The following GATB variants were observed in gnomAD, a reference collection of about 807,000 sequenced individuals.
GATB encodes glutamyl-tRNA amidotransferase subunit B.
Under a neutral mutation model 62.3 loss-of-function variants are expected in GATB, and 39 were observed. That is an observed-to-expected ratio of 0.63 (90% CI 0.48 to 0.82). The LOEUF (loss-of-function observed/expected upper bound fraction) is 0.82. GATB is among the 40% of genes least tolerant of loss of function. The probability of loss-of-function intolerance (pLI) is 0.00; values close to 1 mark genes in which losing one functional copy is unlikely to be tolerated. For missense variants in GATB, 670 were observed against 684.0 expected (o/e 0.98, Z 0.23); for synonymous variants, 276 against 258.9 (o/e 1.07, Z -0.63).
intron 2 of GATB, chr4:151,721,950 AG>A (rs1220604521): frequency 3.7e-6 from 2 of 537,680 alleles, no homozygotes; most frequent in African/African-American, 3.9e-5. Context: ...CAAACATTAC[AG>A]TGATACTGAG....
chr4:151,697,951 GTGTATATATATATATA>G (rs1364229483), intron 9 of GATB, among the ~76,000 whole-genome samples: 1 of 28,628 alleles, frequency 3.5e-5, no homozygotes. Flanking sequence ...GTGTGTGTGT[GTGTATATATATATATA>G]TATATATATA....
intron 2 of GATB, 34 bp from the exon 3 acceptor site, chr4:151,719,572 C>A: frequency 7.0e-7 from 1 of 1,423,154 alleles, no homozygotes; most frequent in South Asian, 1.3e-5. Flanking sequence ...CCTCTCAGAA[C>A]CGCAGGCTGA....
chr4:151,729,665 T>G (rs1482734125), intron 2 of GATB, among the ~76,000 whole-genome samples: 1 of 152,230 alleles, frequency 6.6e-6, no homozygotes, highest in Non-Finnish European at 1.5e-5. Context: ...TTCATTGTGC[T>G]ATTCTTTCAA....
chr4:151,716,469 T>C (rs1738915494), intron 4 of GATB, among the ~76,000 whole-genome samples: 5 of 151,920 alleles, frequency 3.3e-5, no homozygotes, highest in Admixed American at 3.3e-4. Context: ...GGCAAGTAGG[T>C]CTCGCTATGT....
At chr4:151,720,914 C>T (rs779348871) in intron 2 of GATB, 1 of 152,180 alleles carries the variant, frequency 6.6e-6, no homozygotes, top group Admixed American at 6.5e-5. Flanking sequence ...AGGGGCATTT[C>T]TATTTACTGC....
intron 2 of GATB, among the ~76,000 whole-genome samples, chr4:151,757,467 ATTTTTTTTTT>A (rs745311470): frequency 2.9e-5 from 3 of 103,824 alleles, no homozygotes; most frequent in South Asian, 7.1e-4. Flanking sequence ...CAGCTTCCAG[ATTTTTTTTTT>A]TTTTTTTTTT....
At chr4:151,722,470 A>G (rs1739050609) in intron 2 of GATB, 1 of 449,976 alleles carries the variant, frequency 2.2e-6, no homozygotes, top group Admixed American at 4.1e-5. Context: ...ACATGATCAA[A>G]CTCCTGCCTA....
At chr4:151,673,833 T>C (rs1737938300) in intron 11 of GATB, 2 of 152,210 alleles carry the variant, frequency 1.3e-5, no homozygotes, top group Non-Finnish European at 2.9e-5. Context: ...CAGTCATGAC[T>C]GAACACCCAA....
At chr4:151,705,102 G>T in intron 7 of GATB, 83 bp downstream of exon 7, 1 of 897,062 alleles carries the variant, frequency 1.1e-6, no homozygotes, top group Non-Finnish European at 1.8e-6. Context: ...CTCCTTCAAG[G>T]TCACATGGCT....
In GATB at chr4:151,719,434, TGC is replaced by T; in HGVS notation, c.430_431del (p.Ala144ArgfsTer65). On this transcript the variant is annotated frameshift_variant, in exon 3 of 13. Coordinates refer to ENST00000263985, the MANE Select transcript of GATB (RefSeq NM_004564.3). LOFTEE classifies it high-confidence loss of function. ...SLFDRKHYFYADLPAGYQITQ... is the reference protein window; with the variant it reads ...SLFDRKHYFYXDLPAGYQITQ... ...CACAAAGTGTACTTACAGGGAGGTCTGCATAGAAGTAGTGCTTCCTGTCAAAC... is the reference window on the plus strand; with the variant it reads ...CACAAAGTGTACTTACAGGGAGGTCTATAGAAGTAGTGCTTCCTGTCAAAC... 6.2e-7 allele frequency: 1 copy of T among 1,609,756 alleles called. No individual in the cohort carries two copies. The highest frequency in any genetic ancestry group is 1.1e-5 in the South Asian group (1 of 90,562).
At position 151,760,876 on chromosome 4, in the gene GATB, G is replaced by C. The variant is rs1441922808; in HGVS notation, c.107C>G (p.Ser36Cys). The C allele has an allele frequency of 6.2e-7, 1 of 1,613,960 alleles. No individual in the cohort carries two copies. The highest frequency in any genetic ancestry group is 8.5e-7 in the Non-Finnish European group (1 of 1,179,984). Residue 36 changes from serine (S) to cysteine (C), a missense_variant, in exon 1 of 13, where the codon TCC becomes TGC. Ser to Cys is a moderately radical substitution (Grantham distance 112). Coordinates refer to ENST00000263985, the MANE Select transcript of GATB (RefSeq NM_004564.3). ...HRRGAPTGSTSNQIRGESSVA... is the reference protein window; with the variant it reads ...HRRGAPTGSTCNQIRGESSVA... Reference sequence around the variant, plus strand: ...TGAGCTCTCTCCCCTAATCTGGTTGGATGTGGACCCAGTCGGAGCCCCTCT... The same window carrying C: ...TGAGCTCTCTCCCCTAATCTGGTTGCATGTGGACCCAGTCGGAGCCCCTCT...
At chr4:151,745,855 G>A (rs2126995585) in intron 2 of GATB, among the ~76,000 whole-genome samples, 1 of 152,294 alleles carries the variant, frequency 6.6e-6, no homozygotes, top group Non-Finnish European at 1.5e-5. Context: ...TTTTTAAACA[G>A]GCTGATCCTG....
rs1247523830 is a variant in GATB, at chr4:151,732,126, C to T, written c.328-12588G>A. ...GTGGGGGGAGCCTCCGCCCGGCCAC[C>T]GCCCCGTCCAGGAGGTGGGGGGCGC... On this transcript the variant is annotated intron_variant, in intron 2 of 12. Transcript: ENST00000263985. 6.7e-5 allele frequency among the ~76,000 whole-genome samples: 10 copies of T among 148,910 alleles called. No homozygotes were observed. The South Asian group carries it at 1.6e-3, about 23-fold the overall frequency.
intron 8 of GATB, among the ~76,000 whole-genome samples, chr4:151,702,186 G>C (rs1367968769): frequency 6.6e-6 from 1 of 152,272 alleles, no homozygotes; most frequent in East Asian, 1.9e-4. Flanking sequence ...AGGACCAAAT[G>C]AGAGCAATTT....
At chr4:151,744,297 G>A (rs1739553250) in intron 2 of GATB, among the ~76,000 whole-genome samples, 1 of 152,166 alleles carries the variant, frequency 6.6e-6, no homozygotes, top group African/African-American at 2.4e-5. Flanking sequence ...TATTTACAAG[G>A]GGTGCTATAC....
At chr4:151,691,377 T>C (rs1738363739) in intron 9 of GATB, among the ~76,000 whole-genome samples, 1 of 152,196 alleles carries the variant, frequency 6.6e-6, no homozygotes, top group African/African-American at 2.4e-5. Flanking sequence ...TTTTGTATAA[T>C]ACCTGACAGT....
intron 2 of GATB, among the ~76,000 whole-genome samples, chr4:151,737,630 C>A (rs981563196): frequency 4.6e-5 from 7 of 152,226 alleles, no homozygotes; most frequent in Non-Finnish European, 1.0e-4. Flanking sequence ...GAGGTCTTCA[C>A]AGTAGCCCCT....
At chr4:151,756,532 C>T (rs1426884294) in intron 2 of GATB, among the ~76,000 whole-genome samples, 1 of 152,196 alleles carries the variant, frequency 6.6e-6, no homozygotes, top group Non-Finnish European at 1.5e-5. Context: ...CCTCTGTCTA[C>T]AGAATAACCC....
chr4:151,703,214 T>A (rs1030320528), intron 8 of GATB: 5 of 152,430 alleles, frequency 3.3e-5, no homozygotes, highest in African/African-American at 1.2e-4. Context: ...TTGATCCTCA[T>A]TGATAATAGC....
Sources: gnomAD v4.1 joint callset for allele counts (sites outside exome capture counted in the v4.1 genomes callset) on GRCh38, gnomAD v4.1.1 for gene constraint, MANE v1.5 for transcripts, NCBI Gene and HGNC (gene_info 2026-07-23, HGNC 2026-07-21) for gene names.